Variants in CCDC33 observed in about 807,000 individuals in gnomAD.
CCDC33 encodes the protein coiled-coil domain-containing protein 33.
A neutral mutation model predicts 91.9 loss-of-function variants in CCDC33; 94 were observed. That is an observed-to-expected ratio of 1.02 (90% CI 0.87 to 1.21). The LOEUF (loss-of-function observed/expected upper bound fraction) is 1.21, where lower values mean the gene tolerates loss of function less well. Ranked by LOEUF, CCDC33 falls within the 50% of genes most tolerant of loss-of-function variation. The pLI is 0.00. For missense variants in CCDC33, 940 were observed against 935.5 expected (o/e 1.00, Z -0.06); for synonymous variants, 396 against 374.5 (o/e 1.06, Z -0.66).
chr15:74,310,264 C>A (rs903868096), intron 11 of CCDC33, among the ~76,000 whole-genome samples: 16 of 152,112 alleles, frequency 1.1e-4, no homozygotes, highest in Non-Finnish European at 1.9e-4. Context: ...TGAGGCCGGG[C>A]ACAATGGCTC....
intron 11 of CCDC33, among the ~76,000 whole-genome samples, chr15:74,329,634 G>C (rs2060385100): frequency 6.6e-6 from 1 of 152,150 alleles, no homozygotes; most frequent in Non-Finnish European, 1.5e-5. Flanking sequence ...CTGGATCCCA[G>C]CCTCCACTAA....
At chr15:74,253,531 T>TC (rs962071238) in intron 2 of CCDC33, among the ~76,000 whole-genome samples, 7 of 151,772 alleles carry the variant, frequency 4.6e-5, no homozygotes, top group South Asian at 2.1e-4. Context: ...ATCTCCTCGT[T>TC]CCCCCCCTCC....
intron 11 of CCDC33, chr15:74,303,538 G>A: frequency 6.5e-6 from 1 of 153,100 alleles, no homozygotes; most frequent in East Asian, 1.9e-4. Context: ...CAAAACACTG[G>A]CCACCCCAGC....
downstream of CCDC33, chr15:74,336,233 C>T (rs1172027381): frequency 2.1e-6 from 3 of 1,423,504 alleles, no homozygotes; most frequent in South Asian, 1.4e-5. Context: ...TCTTCTGCTG[C>T]AGCCTTACAG....
chr15:74,266,685 C>T lies in CCDC33; in HGVS notation c.327C>T (p.Ile109=). 1 of 1,612,968 alleles carries T rather than the reference C, an allele frequency of 6.2e-7. No individual in the cohort carries two copies. The highest frequency in any genetic ancestry group is 1.1e-5 in the South Asian group (1 of 91,036). Residue 109 remains isoleucine (I), a synonymous_variant, in exon 4 of 19, where the codon ATC becomes ATT. Transcript: ENST00000398814. The part of the protein sequence containing the change: ...QAEDAGQEDV[I]LKVVDNRKKQ... ...CATTTTTTCTCTTTCCAGATGTGAT[C>T]CTCAAGGTGGTGGACAACAGAAAGA...
chr15:74,319,921 A>G (rs2142808790), intron 11 of CCDC33, among the ~76,000 whole-genome samples: 1 of 152,278 alleles, frequency 6.6e-6, no homozygotes, highest in South Asian at 2.1e-4. Context: ...GCAGGAAGGG[A>G]AAGAAAGAAC....
At chr15:74,295,627 C>T (rs1040947436) in intron 10 of CCDC33, 127 bp from the exon 11 acceptor site, 28 of 734,560 alleles carry the variant, frequency 3.8e-5, no homozygotes, top group African/African-American at 9.0e-5. Context: ...GAGGTGTGCA[C>T]GGGCCAGCCA....
chr15:74,334,026 A>G, intron 17 of CCDC33, 59 bp downstream of exon 17: 1 of 1,437,282 alleles, frequency 7.0e-7, no homozygotes, highest in Admixed American at 1.8e-5. Flanking sequence ...GCCTATAACC[A>G]GGGCTCAGTG....
intron 2 of CCDC33, among the ~76,000 whole-genome samples, chr15:74,229,164 A>G (rs909462088): frequency 1.6e-4 from 24 of 152,312 alleles, no homozygotes; most frequent in African/African-American, 5.8e-4. Flanking sequence ...AGGTGGCCTA[A>G]GTCTGAAGCT....
chr15:74,279,640 A>C (rs1173989145), intron 7 of CCDC33, among the ~76,000 whole-genome samples: 1 of 152,112 alleles, frequency 6.6e-6, no homozygotes, highest in Non-Finnish European at 1.5e-5. Context: ...GGGTTCAAGC[A>C]GTTCTCCTGC....
upstream of CCDC33, among the ~76,000 whole-genome samples, chr15:74,234,694 C>T (rs967224873): frequency 6.6e-5 from 10 of 152,104 alleles, no homozygotes; most frequent in South Asian, 2.1e-4. Flanking sequence ...ATGGCAGGGG[C>T]GTGGCTGCAG....
At chr15:74,205,168 T>G (rs886160934) in intron 1 of CCDC33, among the ~76,000 whole-genome samples, 1 of 152,038 alleles carries the variant, frequency 6.6e-6, no homozygotes, top group African/African-American at 2.4e-5. Flanking sequence ...AAGGCCTCAC[T>G]GAGAAGGTGG....
intron 7 of CCDC33, among the ~76,000 whole-genome samples, chr15:74,273,478 T>A (rs958653713): frequency 1.6e-4 from 25 of 152,238 alleles, no homozygotes; most frequent in African/African-American, 3.6e-4. Context: ...AGTAAAAAAA[T>A]TTTTTTTGAG....
intron 2 of CCDC33, among the ~76,000 whole-genome samples, chr15:74,261,324 A>G (rs1419672255): frequency 6.6e-6 from 1 of 152,194 alleles, no homozygotes; most frequent in African/African-American, 2.4e-5. Flanking sequence ...GGGAACAGTG[A>G]GGGCCGGGGG....
chr15:74,318,968 G>A (rs1268344813), intron 11 of CCDC33, among the ~76,000 whole-genome samples: 3 of 151,642 alleles, frequency 2.0e-5, no homozygotes, highest in Admixed American at 6.5e-5. Flanking sequence ...TACCTCTGGT[G>A]TCTTGGAGGT....
intron 2 of CCDC33, among the ~76,000 whole-genome samples, chr15:74,226,524 G>A (rs2074802316): frequency 1.3e-5 from 2 of 152,224 alleles, no homozygotes; most frequent in East Asian, 1.9e-4. Flanking sequence ...AGCAGAGAGT[G>A]GGGAGAATGG....
chr15:74,297,474 C>T (rs1028436983), intron 11 of CCDC33, among the ~76,000 whole-genome samples: 15 of 152,134 alleles, frequency 9.9e-5, no homozygotes, highest in Non-Finnish European at 1.8e-4. Context: ...GGGAGGATCG[C>T]TTGAGCCCAG....
At chr15:74,245,175 G>C (rs2075481001) in intron 2 of CCDC33, among the ~76,000 whole-genome samples, 1 of 152,136 alleles carries the variant, frequency 6.6e-6, no homozygotes, top group Non-Finnish European at 1.5e-5. Flanking sequence ...CCTGAGGACG[G>C]ATCTCCTCCT....
At chr15:74,219,713 C>G (rs1263633489) in intron 2 of CCDC33, among the ~76,000 whole-genome samples, 1 of 152,108 alleles carries the variant, frequency 6.6e-6, no homozygotes, top group Non-Finnish European at 1.5e-5. Flanking sequence ...CTTCATTTAC[C>G]CTTTTATCCA....
Sources: gnomAD v4.1 joint callset for allele counts (sites outside exome capture counted in the v4.1 genomes callset) on GRCh38, gnomAD v4.1.1 for gene constraint, MANE v1.5 for transcripts, NCBI Gene and HGNC (gene_info 2026-07-23, HGNC 2026-07-21) for gene names.